Variants in ZBTB16 observed in about 807,000 individuals in gnomAD.
ZBTB16 encodes the protein zinc finger and BTB domain containing 16, also known as zinc finger and BTB domain-containing protein 16.
In ZBTB16, 8 loss-of-function variants were observed where a neutral mutation model predicts 56.8. The observed-to-expected ratio is 0.14, with a 90% confidence interval of 0.08 to 0.25. The LOEUF (loss-of-function observed/expected upper bound fraction) is 0.25, where lower values mean the gene tolerates loss of function less well. ZBTB16 is among the 10% of genes least tolerant of loss of function. The pLI, the probability that ZBTB16 is intolerant of heterozygous loss-of-function variation, is 1.00. For missense variants in ZBTB16, 625 were observed against 903.0 expected (o/e 0.69, Z 3.95); for synonymous variants, 363 against 368.5 (o/e 0.98, Z 0.17).
chr11:114,134,495 T>A (rs1040634054), intron 2 of ZBTB16, among the ~76,000 whole-genome samples: 1 of 152,218 alleles, frequency 6.6e-6, no homozygotes, highest in Admixed American at 6.5e-5. Flanking sequence ...AAAGGGCTAG[T>A]TATTATTTTT....
chr11:114,244,434 A>G (rs942472575), intron 5 of ZBTB16, among the ~76,000 whole-genome samples: 3 of 152,110 alleles, frequency 2.0e-5, no homozygotes, highest in African/African-American at 7.2e-5. Context: ...TTTGTCCTGC[A>G]CTTAATGTCA....
At chr11:114,171,334 C>T (rs1316167901) in intron 3 of ZBTB16, among the ~76,000 whole-genome samples, 2 of 152,210 alleles carry the variant, frequency 1.3e-5, no homozygotes, top group African/African-American at 4.8e-5. Context: ...GGGAAACATT[C>T]CTAGACATAC....
At position 114,111,156 on chromosome 11, in the gene ZBTB16, C is replaced by CATGTGTGTGTGTGTGT. The variant is rs113987370; in HGVS notation, c.1269-45181_1269-45180insATGTGTGTGTGTGTGT. Among the ~76,000 whole-genome samples the CATGTGTGTGTGTGTGT allele has an allele frequency of 1.1e-3, 159 of 148,964 alleles. 1 individual carries two copies. The highest frequency in any genetic ancestry group is 3.7e-3 in the African/African-American group (150 of 40,604). Reference sequence around the variant, plus strand: ...ACTTTTGGCTTAGAGATCTGTGCTGCGTGTGTGTGTGTGTGTGTGTGTGTG... The same window carrying CATGTGTGTGTGTGTGT: ...ACTTTTGGCTTAGAGATCTGTGCTGCATGTGTGTGTGTGTGTGTGTGTGTGTGTGTGTGTGTGTGTG... On this transcript the variant is annotated intron_variant, in intron 2 of 6. Coordinates refer to ENST00000335953, the MANE Select transcript of ZBTB16 (RefSeq NM_006006.6).
chr11:114,161,027 C>G lies in ZBTB16; in HGVS notation c.1366+4593C>G, dbSNP rs545980735. ...CCCTCCTCACCCTCTGCTACCTTAC[C>G]CCTTTTGGGGATCTGGCATTGAAGC... On this transcript the variant is annotated intron_variant, in intron 3 of 6. Coordinates refer to ENST00000335953, the MANE Select transcript of ZBTB16 (RefSeq NM_006006.6). 2.8e-3 allele frequency among the ~76,000 whole-genome samples: 429 copies of G among 152,182 alleles called. 1 individual carries two copies. Among genetic ancestry groups the G allele is most frequent in the Non-Finnish European group, 4.7e-3 (322 of 68,032 alleles).
intron 4 of ZBTB16, among the ~76,000 whole-genome samples, chr11:114,226,789 A>T (rs1370281751): frequency 6.6e-6 from 1 of 152,198 alleles, no homozygotes; most frequent in Non-Finnish European, 1.5e-5. Flanking sequence ...TTATAGAATC[A>T]GGAGAGCAAC....
At chr11:114,240,403 C>T (rs964707665) in intron 4 of ZBTB16, among the ~76,000 whole-genome samples, 9 of 152,256 alleles carry the variant, frequency 5.9e-5, no homozygotes, top group African/African-American at 1.2e-4. Flanking sequence ...AGACACTTCC[C>T]GATTCCATGC....
chr11:114,141,426 T>C (rs2134895914), intron 2 of ZBTB16, among the ~76,000 whole-genome samples: 1 of 152,322 alleles, frequency 6.6e-6, no homozygotes, highest in South Asian at 2.1e-4. Context: ...TCTTTCTCCA[T>C]CTCTGTCTTG....
intron 2 of ZBTB16, among the ~76,000 whole-genome samples, chr11:114,138,752 G>A (rs556784038): frequency 1.3e-5 from 2 of 151,872 alleles, no homozygotes; most frequent in South Asian, 4.2e-4. Flanking sequence ...GTGCAGTGGT[G>A]CGATCTCGGA....
At chr11:114,075,839 T>C (rs532136225) in intron 2 of ZBTB16, among the ~76,000 whole-genome samples, 38 of 152,204 alleles carry the variant, frequency 2.5e-4, no homozygotes, top group Admixed American at 5.9e-4. Flanking sequence ...GACCAAAAGT[T>C]TTCCCCCCAT....
intron 2 of ZBTB16, among the ~76,000 whole-genome samples, chr11:114,115,572 TGAGGACGTCTCCCAGTGGG>T (rs971317449): frequency 2.6e-4 from 39 of 152,150 alleles, no homozygotes; most frequent in Non-Finnish European, 4.4e-4. Flanking sequence ...GGCTGCTTGC[TGAGGACGTCTCCCAGTGGG>T]GTACTGGGTG....
At chr11:114,211,812 G>A (rs901342106) in intron 4 of ZBTB16, among the ~76,000 whole-genome samples, 2 of 152,080 alleles carry the variant, frequency 1.3e-5, no homozygotes, top group Non-Finnish European at 2.9e-5. Flanking sequence ...ATAAGCTCGC[G>A]ATGAAAGCTG....
intron 4 of ZBTB16, among the ~76,000 whole-genome samples, chr11:114,215,995 T>A (rs1253590737): frequency 1.3e-5 from 2 of 151,898 alleles, no homozygotes; most frequent in African/African-American, 4.8e-5. Context: ...GCAGACAGGG[T>A]AGGGGTGTGG....
intron 2 of ZBTB16, among the ~76,000 whole-genome samples, chr11:114,124,557 C>A (rs238893): frequency 0.042 from 1,717 of 40,816 alleles, 78 homozygotes; most frequent in Admixed American, 0.25. Flanking sequence ...AAAAAAAAAC[C>A]AAAAAAAAAA....
At chr11:114,080,966 G>A (rs1939737410) in intron 2 of ZBTB16, among the ~76,000 whole-genome samples, 1 of 152,184 alleles carries the variant, frequency 6.6e-6, no homozygotes, top group Non-Finnish European at 1.5e-5. Context: ...AAGGGCCCTT[G>A]GAATCATTTA....
At chr11:114,193,189 G>C (rs146329883) in intron 4 of ZBTB16, among the ~76,000 whole-genome samples, 1 of 152,216 alleles carries the variant, frequency 6.6e-6, no homozygotes, top group Admixed American at 6.5e-5. Context: ...GCCCCCTGCT[G>C]ATGTTGAGGT....
At chr11:114,147,288 A>G (rs1394080506) in intron 2 of ZBTB16, among the ~76,000 whole-genome samples, 4 of 152,210 alleles carry the variant, frequency 2.6e-5, no homozygotes, top group Non-Finnish European at 5.9e-5. Context: ...CTCCCTGGCT[A>G]GAGTGGAAAC....
rs551246079 is a variant in ZBTB16 at position 114,086,365 on chromosome 11, C to A, written c.1268+21797C>A. On this transcript the variant is annotated intron_variant, in intron 2 of 6. Coordinates refer to ENST00000335953, the MANE Select transcript of ZBTB16 (RefSeq NM_006006.6). ...TCCAGCCTTCAAGACCTCCTCAAGT[C>A]AGGCTTCTCTGGGAAGCGCTGTCTG... Among the ~76,000 whole-genome samples the A allele has an allele frequency of 2.6e-5, 4 of 152,166 alleles. No homozygotes were observed. The East Asian group carries it at 7.8e-4, about 30-fold the overall frequency.
At chr11:114,208,596 G>A (rs551891782) in intron 4 of ZBTB16, among the ~76,000 whole-genome samples, 16 of 152,168 alleles carry the variant, frequency 1.1e-4, no homozygotes, top group African/African-American at 3.6e-4. Context: ...CTGGCTTCAG[G>A]GTGCCCTGCA....
At chr11:114,082,114 T>TCCAAA (rs150038900) in intron 2 of ZBTB16, among the ~76,000 whole-genome samples, 11 of 130,144 alleles carry the variant, frequency 8.5e-5, no homozygotes, top group African/African-American at 3.3e-4. Flanking sequence ...AGACGATCTT[T>TCCAAA]ACAAAAAAAA....
Sources: gnomAD v4.1 joint callset for allele counts (sites outside exome capture counted in the v4.1 genomes callset) on GRCh38, gnomAD v4.1.1 for gene constraint, MANE v1.5 for transcripts, NCBI Gene and HGNC (gene_info 2026-07-23, HGNC 2026-07-21) for gene names.